The following CD200 variants were observed in gnomAD, a reference collection of about 807,000 sequenced individuals.
CD200 encodes CD200 molecule.
A neutral mutation model predicts 30.9 loss-of-function variants in CD200; 15 were observed. That is an observed-to-expected ratio of 0.49 (90% confidence interval 0.32 to 0.75). The LOEUF (loss-of-function observed/expected upper bound fraction) is 0.75, where lower values mean the gene tolerates loss of function less well. Ranked by LOEUF, CD200 falls within the 30% of genes least tolerant of loss-of-function variation. The pLI, the probability that CD200 is intolerant of heterozygous loss-of-function variation, is 0.03. For synonymous variants in CD200, 134 were observed against 126.2 expected (o/e 1.06, Z -0.41); for missense variants, 262 against 324.2 (o/e 0.81, Z 1.47).
At chr3:112,352,561 G>C (rs1400405790) in intron 5 of CD200, among the ~76,000 whole-genome samples, 1 of 151,890 alleles carries the variant, frequency 6.6e-6, no homozygotes, top group Admixed American at 6.6e-5. Context: ...GAGAGAGAGA[G>C]AGAGAGTGTT....
chr3:112,335,874 A>G (rs1200576011), intron 1 of CD200: 5 of 1,092,730 alleles, frequency 4.6e-6, no homozygotes, highest in Non-Finnish European at 7.1e-6. Context: ...CCAGGGTACA[A>G]GTTGGCCCCA....
intron 4 of CD200, 64 bp from the exon 5 acceptor site, chr3:112,349,648 C>T (rs775003628): frequency 2.4e-4 from 338 of 1,399,468 alleles, no homozygotes; most frequent in Non-Finnish European, 3.1e-4. Context: ...AAGCTCAACT[C>T]TTTTTGCCTC....
chr3:112,337,161 G>A (rs2081136367), intron 1 of CD200, among the ~76,000 whole-genome samples: 2 of 152,138 alleles, frequency 1.3e-5, no homozygotes, highest in South Asian at 2.1e-4. Flanking sequence ...AAGCAGATGG[G>A]TGTGTTCAGA....
chr3:112,350,043 T>C lies in CD200; in HGVS notation c.802+224T>C, dbSNP rs2108459441. 7 of 869,290 alleles carry C rather than the reference T, an allele frequency of 8.1e-6. No individual in the cohort carries two copies. In the South Asian group the frequency reaches 3.2e-4, roughly 39 times the overall value. The allele number at this position is 869,290 out of a possible 1,614,324, so 53.8% of individuals were successfully genotyped here. On this transcript the variant is annotated intron_variant, in intron 5 of 5. Coordinates refer to ENST00000315711, the MANE Select transcript of CD200 (RefSeq NM_005944.7). ...CTGCTTTTTGTTTGCTAAGATGACT[T>C]AAAAGCTAATGAAATCAAACAATGG...
chr3:112,334,176 A>G (rs2108414742), intron 1 of CD200: 10 of 985,332 alleles, frequency 1.0e-5, no homozygotes, highest in Non-Finnish European at 1.2e-5. Context: ...ACACATAAAC[A>G]GGCGGAAAGG....
At chr3:112,357,022 G>A (rs924123990) in intron 5 of CD200, among the ~76,000 whole-genome samples, 2 of 152,230 alleles carry the variant, frequency 1.3e-5, no homozygotes, top group Non-Finnish European at 2.9e-5. Flanking sequence ...AGCACTTTGG[G>A]AGGCCGAGGC....
Position 112,342,393 on chromosome 3 carries a change from CTTTCTTTCTTTCTTTCTTTCTTTCT to C in CD200, c.94+1413_94+1437del, listed in dbSNP as rs1559783483. On this transcript the variant is annotated intron_variant, in intron 2 of 5. Transcript: ENST00000315711. ...TCTTTCTTTCTTTCTTTCTTTCTTTCTTTCTTTCTTTCTTTCTTTCTTTCTTTCTTTCTTTCTTCTCTCTCTTTCT... is the reference window on the plus strand; with the variant it reads ...TCTTTCTTTCTTTCTTTCTTTCTTTCTTCTTTCTTTCTTCTCTCTCTTTCT... 2.2e-4 allele frequency among the ~76,000 whole-genome samples: 11 copies of C among 50,898 alleles called. 3 individuals are homozygous for C. The highest frequency in any genetic ancestry group is 8.1e-4 in the African/African-American group (11 of 13,554). 33.4% of individuals were successfully genotyped at this position (50,898 alleles called of 152,430 possible).
intron 3 of CD200, among the ~76,000 whole-genome samples, chr3:112,346,163 C>G (rs1051027904): frequency 3.3e-5 from 5 of 152,132 alleles, no homozygotes; most frequent in South Asian, 4.1e-4. Flanking sequence ...AATGAGTCCT[C>G]TCTGTAGAAT....
chr3:112,347,173 A>G lies in CD200; in HGVS notation c.422-385A>G, dbSNP rs1401097737. On this transcript the variant is annotated intron_variant, in intron 3 of 5. Transcript: ENST00000315711. ...GCAGTGCTGGTTGGTGGTTATTGTCAAGCCATTTAAGAGGAATACCCAGAA... is the reference window on the plus strand; with the variant it reads ...GCAGTGCTGGTTGGTGGTTATTGTCGAGCCATTTAAGAGGAATACCCAGAA... Among the ~76,000 whole-genome samples the G allele has an allele frequency of 5.3e-5, 8 of 152,186 alleles. No individual in the cohort carries two copies. The East Asian group carries it at 1.5e-3, about 29-fold the overall frequency.
chr3:112,336,676 G>A (rs1222574783), intron 1 of CD200, among the ~76,000 whole-genome samples: 1 of 3,478 alleles, frequency 2.9e-4, no homozygotes, highest in Non-Finnish European at 1.6e-3. Context: ...AACAGGAGCC[G>A]ATAAGAACAT....
At chr3:112,360,883 A>G (rs1576631448) in intron 5 of CD200, among the ~76,000 whole-genome samples, 1 of 152,232 alleles carries the variant, frequency 6.6e-6, no homozygotes, top group African/African-American at 2.4e-5. Context: ...TCCATCAGAA[A>G]CAAAGCTTAC....
At position 112,343,040 on chromosome 3, in the gene CD200, T is replaced by C. The variant is rs558769225; in HGVS notation, c.95-1922T>C. On this transcript the variant is annotated intron_variant, in intron 2 of 5. Transcript: ENST00000315711. ...ATCTTTATTCATTTAGTATGAGTTA[T>C]TGGGTTTGTAAAGTTTATTATTTCT... Among the ~76,000 whole-genome samples the C allele has an allele frequency of 6.5e-4, 99 of 152,154 alleles. 1 individual carries two copies. The highest frequency in any genetic ancestry group is 3.4e-3 in the Middle Eastern group (1 of 294).
intron 4 of CD200, among the ~76,000 whole-genome samples, chr3:112,348,709 T>G (rs903085411): frequency 6.6e-6 from 1 of 152,146 alleles, no homozygotes; most frequent in Non-Finnish European, 1.5e-5. Context: ...TTTACTGCAG[T>G]GGCCTTTGGA....
At chr3:112,335,664 A>G (rs1299603674) in intron 1 of CD200, among the ~76,000 whole-genome samples, 3 of 151,836 alleles carry the variant, frequency 2.0e-5, no homozygotes, top group Non-Finnish European at 4.4e-5. Context: ...CAGGGCGGCG[A>G]GACATCATTC....
At chr3:112,344,552 C>T (rs142947697) in intron 2 of CD200, among the ~76,000 whole-genome samples, 1 of 152,278 alleles carries the variant, frequency 6.6e-6, no homozygotes, top group Non-Finnish European at 1.5e-5. Context: ...GCTCCATCTT[C>T]TTTACTTACA....
chr3:112,347,655 G>A lies in CD200; in HGVS notation c.519G>A (p.Lys173=), dbSNP rs2081429799. Residue 173 remains lysine (K), a synonymous_variant, in exon 4 of 6, where the codon AAG becomes AAA. Transcript: ENST00000315711. ...GCCCAGCCCCCATGGTCTTCTGGAA[G>A]GTCCCTCGGTCAGGGATTGAAAATA... The part of the protein sequence containing the change: ...TARPAPMVFW[K]VPRSGIENST... 1.2e-6 allele frequency: 2 copies of A among 1,614,022 alleles called. No homozygotes were observed. The highest frequency in any genetic ancestry group is 2.2e-5 in the East Asian group (1 of 44,878).
intron 1 of CD200, chr3:112,333,726 T>G (rs2081050378): frequency 1.0e-6 from 1 of 985,338 alleles, no homozygotes. Flanking sequence ...GTCTCCTCTT[T>G]GTTATGCAGC....
intron 5 of CD200, among the ~76,000 whole-genome samples, chr3:112,353,654 G>T (rs996278942): frequency 2.0e-5 from 3 of 152,108 alleles, no homozygotes; most frequent in Non-Finnish European, 2.9e-5. Context: ...GATGTAATTG[G>T]TCATTAGTTG....
chr3:112,357,258 C>CAAAAAA (rs753148544), intron 5 of CD200, among the ~76,000 whole-genome samples: 1 of 81,744 alleles, frequency 1.2e-5, no homozygotes, highest in Non-Finnish European at 2.4e-5. Context: ...GAGACTGTCT[C>CAAAAAA]AAAAAAAAAA....
Sources: gnomAD v4.1 joint callset for allele counts (sites outside exome capture counted in the v4.1 genomes callset) on GRCh38, gnomAD v4.1.1 for gene constraint, MANE v1.5 for transcripts, NCBI Gene and HGNC (gene_info 2026-07-23, HGNC 2026-07-21) for gene names.